NOM1: variants seen among roughly 807,000 people sequenced by gnomAD.
The protein encoded by NOM1 is nucleolar MIF4G domain-containing protein 1.
In NOM1, 58 loss-of-function variants were observed where a neutral mutation model predicts 73.3. The ratio of observed to expected loss-of-function variants is 0.79; its 90% CI spans 0.64 to 0.99. The LOEUF (loss-of-function observed/expected upper bound fraction) is 0.99, where lower values mean the gene tolerates loss of function less well. NOM1 is among the 50% of genes least tolerant of loss of function. The pLI is 0.00. For missense variants in NOM1, 1,226 were observed against 1,131.9 expected, an observed-to-expected ratio of 1.08 and a Z score of -1.19; for synonymous variants, 487 against 446.8, an observed-to-expected ratio of 1.09 and a Z score of -1.14.
At chr7:156,966,857 TA>T in intron 8 of NOM1, 103 bp from the exon 9 acceptor site, 1 of 1,265,176 alleles carries the variant, frequency 7.9e-7, no homozygotes, top group Non-Finnish European at 1.1e-6. Flanking sequence ...TTTAGAATAT[TA>T]AAAATAAGAT....
In NOM1 at chr7:156,966,310, G is replaced by T. The variant is rs114968937; in HGVS notation, c.2074G>T (p.Val692Phe). 6.2e-7 allele frequency: 1 copy of T among 1,614,162 alleles called. No homozygotes were observed. The highest frequency in any genetic ancestry group is 8.5e-7 in the Non-Finnish European group (1 of 1,180,016). ...TCAGCAGGAGAGAGAAATCATTCAC[G>T]TTCTCATGGATTGCTGCCTTCAAGA... ...KDQQEREIIH[V>F]LMDCCLQEKT... Residue 692 changes from valine (V) to phenylalanine (F), a missense_variant, in exon 8 of 11, where the codon GTT (valine) becomes TTT (phenylalanine). Coordinates refer to ENST00000275820, the MANE Select transcript of NOM1 (RefSeq NM_138400.2).
intron 9 of NOM1, 69 bp downstream of exon 9, chr7:156,967,161 T>A: frequency 1.3e-6 from 2 of 1,514,734 alleles, no homozygotes; most frequent in Non-Finnish European, 1.8e-6. Flanking sequence ...ACCTGGTAAA[T>A]CAGGTCCTGT....
At position 156,962,207 on chromosome 7, in the gene NOM1, T is replaced by G. The variant is rs201527139; in HGVS notation, c.1689T>G (p.Ile563Met). 3.2e-4 allele frequency: 522 copies of G among 1,614,138 alleles called. 2 individuals are homozygous for G. In the Middle Eastern group the frequency reaches 7.1e-3, roughly 22 times the overall value. The change falls in exon 5 of 11, where the codon ATT becomes ATG. Residue 563 changes from isoleucine to methionine, a missense_variant. Ile to Met is a conservative substitution (Grantham distance 10, BLOSUM62 1). Transcript: ENST00000275820. Reference protein sequence around the residue: ...LALKNNDMRKIPGYDPEPVEK... With the variant: ...LALKNNDMRKMPGYDPEPVEK... Reference sequence around the variant, plus strand: ...TGAAGAACAATGACATGCGCAAAATTCCAGGCTATGACCCCGAGCCCGTGG... The same window carrying G: ...TGAAGAACAATGACATGCGCAAAATGCCAGGCTATGACCCCGAGCCCGTGG...
chr7:156,951,405 A>C (rs1354271249), intron 1 of NOM1, among the ~76,000 whole-genome samples: 1 of 152,152 alleles, frequency 6.6e-6, no homozygotes, highest in East Asian at 1.9e-4. Flanking sequence ...AAAAAAGTTC[A>C]GAATCTAGGA....
Position 156,954,192 on chromosome 7 carries a change from C to T in NOM1, c.1202C>T (p.Thr401Ile). Residue 401 changes from threonine (T) to isoleucine (I), a missense_variant, in exon 3 of 11, where the codon ACC becomes ATC. By Grantham distance (89) the Thr-to-Ile change is moderately conservative (BLOSUM62 -1). Transcript: ENST00000275820. ...AGAAAGGACATGAATGACACCCTGA[C>T]CTCCGCTCTCATGGGTGCCTGCGTC... is the stretch of plus-strand genomic sequence containing the variant. ...HSRKDMNDTL[T>I]SALMGACVTA... The T allele has an allele frequency of 1.2e-6, 2 of 1,613,880 alleles. No individual in the cohort carries two copies. Among genetic ancestry groups the T allele is most frequent in the East Asian group, 2.2e-5 (1 of 44,870 alleles).
At chr7:156,966,500 G>T in intron 8 of NOM1, 98 bp downstream of exon 8, 1 of 1,421,624 alleles carries the variant, frequency 7.0e-7, no homozygotes, top group Non-Finnish European at 9.7e-7. Flanking sequence ...CCCAAGTCAG[G>T]AGGCCCCTGA....
At chr7:156,952,693 G>C in intron 2 of NOM1, 95 bp downstream of exon 2, 1 of 1,349,356 alleles carries the variant, frequency 7.4e-7, no homozygotes, top group Non-Finnish European at 1.0e-6. Context: ...AGAAGTGATG[G>C]GGACAGTCGA....
Position 156,962,130 on chromosome 7 carries a change from A to G in NOM1, c.1633-21A>G, listed in dbSNP as rs761302404. 7.5e-6 allele frequency: 12 copies of G among 1,603,428 alleles called. No homozygotes were observed. The African/African-American group carries it at 1.2e-4, about 16-fold the overall frequency. On this transcript the variant is annotated intron_variant, in intron 4 of 10. Transcript: ENST00000275820. ...GACTGTTTGAAATGATGGACTTTCC[A>G]TTTTTTCATTTTTCTTGAAGATTCG...
chr7:156,960,925 A>T (rs531522495), intron 4 of NOM1, among the ~76,000 whole-genome samples: 14 of 152,250 alleles, frequency 9.2e-5, no homozygotes, highest in African/African-American at 3.4e-4. Flanking sequence ...ACCAGACCTC[A>T]TGTGGATTGG....
In NOM1 at chr7:156,969,862, G is replaced by A. The variant is rs1805100516; in HGVS notation, c.*159G>A. On this transcript the variant is annotated 3_prime_UTR_variant, in exon 11 of 11. Coordinates refer to ENST00000275820, the MANE Select transcript of NOM1 (RefSeq NM_138400.2). ...ATTTTTTTTGATCTAAGGTTTTATT[G>A]TTTGTATTTCAAGCCATTTTCAAAT... 1.5e-6 allele frequency: 1 copy of A among 674,490 alleles called. No individual in the cohort carries two copies. Among genetic ancestry groups the A allele is most frequent in the Non-Finnish European group, 2.2e-6 (1 of 449,528 alleles). The allele number at this position is 674,490 out of a possible 1,614,324, so 41.8% of individuals were successfully genotyped here. A position where few individuals can be genotyped will look rare whatever the true frequency, so the allele number is the denominator to read the frequency against.
chr7:156,966,971 A>G lies in NOM1; in HGVS notation c.2177A>G (p.Gln726Arg), dbSNP rs755638133. The G allele has an allele frequency of 6.2e-7, 1 of 1,612,606 alleles. No individual in the cohort carries two copies. Among genetic ancestry groups the G allele is most frequent in the East Asian group, 2.2e-5 (1 of 44,860 alleles). The change falls in exon 9 of 11, where the codon CAG becomes CGG. Residue 726 changes from glutamine to arginine, a missense_variant. Physicochemically the swap from Gln to Arg is conservative, Grantham distance 43 (BLOSUM62 1). Coordinates refer to ENST00000275820, the MANE Select transcript of NOM1 (RefSeq NM_138400.2). ...TAACTATGATACTAGATGACTTTCC[A>G]GTTCAGCATATGGGACAAATTTCGG... is the stretch of plus-strand genomic sequence containing the variant. The part of the protein sequence containing the change: ...EYERRFQMTF[Q>R]FSIWDKFRDL...
intron 2 of NOM1, 59 bp downstream of exon 2, chr7:156,952,657 G>A (rs1804623974): frequency 6.4e-7 from 1 of 1,552,088 alleles, no homozygotes. Context: ...TTCCTAAAAT[G>A]TAGGAATTAT....
At chr7:156,959,535 C>T (rs1353134434) in intron 3 of NOM1, among the ~76,000 whole-genome samples, 2 of 152,186 alleles carry the variant, frequency 1.3e-5, no homozygotes, top group Admixed American at 6.5e-5. Context: ...AGCCACCGCA[C>T]CTGGCCAGTA....
At chr7:156,968,685 TTTTATATATATATATATA>T (rs970351933) in intron 9 of NOM1, 2 of 97,474 alleles carry the variant, frequency 2.1e-5, no homozygotes, top group African/African-American at 8.3e-5. Flanking sequence ...TAGAAGTAAA[TTTTATATATATATATATA>T]TATATATATA....
chr7:156,963,577 C>T, intron 6 of NOM1: 1 of 370,470 alleles, frequency 2.7e-6, no homozygotes, highest in South Asian at 3.2e-5. Flanking sequence ...CCCTCATGTC[C>T]TTCCCTGTCC....
chr7:156,952,603 C>T lies in NOM1; in HGVS notation c.1112+5C>T. ...TGTAAAAGGTCTACTTAACAGGTGACCTTGTAGTGTTGTTACACTGTGTCA... is the reference window on the plus strand; with the variant it reads ...TGTAAAAGGTCTACTTAACAGGTGATCTTGTAGTGTTGTTACACTGTGTCA... On this transcript the variant is annotated splice_donor_5th_base_variant and intron_variant, in intron 2 of 10. Coordinates refer to ENST00000275820, the MANE Select transcript of NOM1 (RefSeq NM_138400.2). The T allele has an allele frequency of 6.2e-7, 1 of 1,611,290 alleles. No homozygotes were observed.
chr7:156,961,980 G>A (rs1804875098), intron 4 of NOM1, among the ~76,000 whole-genome samples, 171 bp from the exon 5 acceptor site: 1 of 152,160 alleles, frequency 6.6e-6, no homozygotes, highest in South Asian at 2.1e-4. Context: ...ATGTAGCCCT[G>A]AGTAAGCGGC....
Position 156,969,721 on chromosome 7 carries a change from G to A in NOM1, c.*18G>A, listed in dbSNP as rs961423184. 5.0e-6 allele frequency: 8 copies of A among 1,590,754 alleles called. No homozygotes were observed. The East Asian group carries it at 1.1e-4, about 22-fold the overall frequency. On this transcript the variant is annotated 3_prime_UTR_variant, in exon 11 of 11. Coordinates refer to ENST00000275820, the MANE Select transcript of NOM1 (RefSeq NM_138400.2). ...GAATGTAGTCAGGGAAGGAAGGAGG[G>A]CAGGTGGCCCTTTGACTGTAAAATG...
Position 156,973,019 on chromosome 7 carries a change from G to C in NOM1, c.*3316G>C, listed in dbSNP as rs748950622. 1.1e-4 allele frequency: 16 copies of C among 152,194 alleles called. No individual in the cohort carries two copies. The highest frequency in any genetic ancestry group is 2.2e-4 in the Non-Finnish European group (15 of 68,046). The allele number at this position is 152,194 out of a possible 1,614,324, so 9.4% of individuals were successfully genotyped here. The stretch of plus-strand genomic sequence containing the variant: ...AATACTGCAGGATGCTTAGTGCTCA[G>C]TGTTATGTATGAACTTGTGGACTTT... On this transcript the variant is annotated 3_prime_UTR_variant, in exon 11 of 11. Coordinates refer to ENST00000275820, the MANE Select transcript of NOM1 (RefSeq NM_138400.2).
Sources: gnomAD v4.1 joint callset for allele counts (sites outside exome capture counted in the v4.1 genomes callset) on GRCh38, gnomAD v4.1.1 for gene constraint, MANE v1.5 for transcripts, NCBI Gene and HGNC (gene_info 2026-07-23, HGNC 2026-07-21) for gene names.